EYA4: variants seen among roughly 807,000 people sequenced by gnomAD.
EYA4 encodes EYA transcriptional coactivator and phosphatase 4, also known as protein phosphatase EYA4.
Under a neutral mutation model 87.9 loss-of-function variants are expected in EYA4, and 31 were observed. The ratio of observed to expected loss-of-function variants is 0.35; its 90% CI spans 0.27 to 0.48. The LOEUF is 0.48. EYA4 is among the 20% of genes least tolerant of loss of function. The probability of loss-of-function intolerance (pLI) is 0.99; values close to 1 mark genes in which losing one functional copy is unlikely to be tolerated. For synonymous variants in EYA4, 263 were observed against 270.6 expected (o/e 0.97, Z 0.28); for missense variants, 678 against 761.4 (o/e 0.89, Z 1.29).
At chr6:133,273,725 A>G (rs1316577924) in intron 1 of EYA4, among the ~76,000 whole-genome samples, 1 of 152,194 alleles carries the variant, frequency 6.6e-6, no homozygotes, top group Non-Finnish European at 1.5e-5. Context: ...ATTTTAAATT[A>G]CATTTCATTG....
At chr6:133,400,872 C>T (rs776142293) in intron 3 of EYA4, among the ~76,000 whole-genome samples, 6 of 151,920 alleles carry the variant, frequency 3.9e-5, no homozygotes, top group Non-Finnish European at 8.8e-5. Flanking sequence ...AACTTTTTTG[C>T]ATAACAGTGG....
chr6:133,475,764 A>T (rs1795667976), intron 11 of EYA4, among the ~76,000 whole-genome samples: 1 of 152,150 alleles, frequency 6.6e-6, no homozygotes, highest in Non-Finnish European at 1.5e-5. Flanking sequence ...TTTAAAAAAA[A>T]GTGTCAACAA....
At chr6:133,421,888 A>G (rs1790252442) in intron 3 of EYA4, among the ~76,000 whole-genome samples, 1 of 152,202 alleles carries the variant, frequency 6.6e-6, no homozygotes, top group Admixed American at 6.5e-5. Context: ...TTGTGTTATA[A>G]CTGGAGAGTT....
In EYA4 at chr6:133,530,612, T is replaced by C; in HGVS notation, c.*1807T>C. 1 of 985,746 alleles carries C rather than the reference T, an allele frequency of 1.0e-6. No individual in the cohort carries two copies. The highest frequency in any genetic ancestry group is 1.2e-6 in the Non-Finnish European group (1 of 829,812). 61.1% of individuals were successfully genotyped at this position (985,746 alleles called of 1,614,324 possible). ...ACATTTTGCTCACAGATCACAACAT[T>C]CACTGTGGAAATATGATTTCATTTC... On this transcript the variant is annotated 3_prime_UTR_variant, in exon 20 of 20. Transcript: ENST00000355286.
intron 16 of EYA4, among the ~76,000 whole-genome samples, chr6:133,514,723 T>C (rs1356708271): frequency 6.6e-6 from 1 of 152,240 alleles, no homozygotes; most frequent in South Asian, 2.1e-4. Flanking sequence ...ATCAATATTA[T>C]AATTCATGAT....
rs1800862596 is a variant in EYA4 at position 133,529,213 on chromosome 6, C to T, written c.*408C>T. On this transcript the variant is annotated 3_prime_UTR_variant, in exon 20 of 20. Coordinates refer to ENST00000355286, the MANE Select transcript of EYA4 (RefSeq NM_004100.5). Reference sequence around the variant, plus strand: ...CCTGAGGTTTGAATCTGACTTTAGCCTACCTAACCCAGAAAATCTGAATTG... The same window carrying T: ...CCTGAGGTTTGAATCTGACTTTAGCTTACCTAACCCAGAAAATCTGAATTG... The T allele has an allele frequency of 8.8e-7, 1 of 1,137,568 alleles. No individual in the cohort carries two copies. The highest frequency in any genetic ancestry group is 1.1e-6 in the Non-Finnish European group (1 of 919,250). The allele number at this position is 1,137,568 out of a possible 1,614,324, so 70.5% of individuals were successfully genotyped here. A position where few individuals can be genotyped will look rare whatever the true frequency, so the allele number is the denominator to read the frequency against.
chr6:133,253,569 A>C (rs1466401950), intron 1 of EYA4, among the ~76,000 whole-genome samples: 1 of 151,952 alleles, frequency 6.6e-6, no homozygotes, highest in African/African-American at 2.4e-5. Flanking sequence ...TCTCCCTGGC[A>C]TATTCTCACC....
At chr6:133,392,900 C>A (rs1787426057) in intron 3 of EYA4, among the ~76,000 whole-genome samples, 2 of 152,132 alleles carry the variant, frequency 1.3e-5, no homozygotes, top group South Asian at 4.1e-4. Context: ...GTTAACAGTA[C>A]AAAACTCGTT....
chr6:133,418,673 G>A lies in EYA4; in HGVS notation c.84-27957G>A, dbSNP rs150611839. Among the ~76,000 whole-genome samples, 146 of 152,278 alleles carry A rather than the reference G, an allele frequency of 9.6e-4. 1 individual carries two copies. Among genetic ancestry groups the A allele is most frequent in the African/African-American group, 3.2e-3 (131 of 41,570 alleles). On this transcript the variant is annotated intron_variant, in intron 3 of 19. Coordinates refer to ENST00000355286, the MANE Select transcript of EYA4 (RefSeq NM_004100.5). ...ATCTGAAACATGAAGTTAAGGTTTTGTGCAACATGAGTGCTTTATATTTTA... is the reference window on the plus strand; with the variant it reads ...ATCTGAAACATGAAGTTAAGGTTTTATGCAACATGAGTGCTTTATATTTTA...
chr6:133,361,984 C>T (rs1784480431), intron 2 of EYA4, among the ~76,000 whole-genome samples: 1 of 152,162 alleles, frequency 6.6e-6, no homozygotes, highest in African/African-American at 2.4e-5. Flanking sequence ...GGTTCTGACC[C>T]TCTTTGTAAC....
intron 1 of EYA4, among the ~76,000 whole-genome samples, chr6:133,252,492 C>T (rs1211715008): frequency 1.3e-5 from 2 of 152,006 alleles, no homozygotes; most frequent in African/African-American, 4.8e-5. Flanking sequence ...TGATGTTGAC[C>T]AATACATTTT....
intron 1 of EYA4, among the ~76,000 whole-genome samples, chr6:133,265,457 G>A (rs537551874): frequency 6.6e-6 from 1 of 152,122 alleles, no homozygotes; most frequent in Non-Finnish European, 1.5e-5. Flanking sequence ...TTATTATGAG[G>A]TAATGCTTCT....
At chr6:133,350,264 A>G (rs1355151555) in intron 2 of EYA4, among the ~76,000 whole-genome samples, 1 of 152,152 alleles carries the variant, frequency 6.6e-6, no homozygotes, top group Non-Finnish European at 1.5e-5. Context: ...ACACCTTGAT[A>G]TGAAACTTCC....
At chr6:133,347,725 A>T (rs1783303125) in intron 2 of EYA4, among the ~76,000 whole-genome samples, 1 of 152,190 alleles carries the variant, frequency 6.6e-6, no homozygotes, top group Non-Finnish European at 1.5e-5. Flanking sequence ...AGATGATAAA[A>T]CCAAGGCACA....
chr6:133,287,835 G>A (rs1305890050), intron 2 of EYA4, among the ~76,000 whole-genome samples: 3 of 152,128 alleles, frequency 2.0e-5, no homozygotes, highest in Admixed American at 6.5e-5. Flanking sequence ...CATGAACTCC[G>A]AAAGGCTTAA....
At chr6:133,468,090 A>G (rs1363430485) in intron 10 of EYA4, among the ~76,000 whole-genome samples, 4 of 152,052 alleles carry the variant, frequency 2.6e-5, no homozygotes, top group Non-Finnish European at 5.9e-5. Context: ...CAGAATTATC[A>G]GTGGTAGCCC....
chr6:133,426,896 C>A lies in EYA4; in HGVS notation c.84-19734C>A, dbSNP rs190776652. 1.4e-4 allele frequency among the ~76,000 whole-genome samples: 22 copies of A among 152,320 alleles called. No individual in the cohort carries two copies. The East Asian group carries it at 3.3e-3, about 23-fold the overall frequency. Reference sequence around the variant, plus strand: ...CTATTTATATCACATCTCCTTGGAACTTCTGAACTATAGCAATTTGCTATT... The same window carrying A: ...CTATTTATATCACATCTCCTTGGAAATTCTGAACTATAGCAATTTGCTATT... On this transcript the variant is annotated intron_variant, in intron 3 of 19. Transcript: ENST00000355286.
intron 5 of EYA4, among the ~76,000 whole-genome samples, chr6:133,448,854 T>C (rs1250653644): frequency 6.6e-6 from 1 of 152,146 alleles, no homozygotes; most frequent in African/African-American, 2.4e-5. Flanking sequence ...CCATCACATT[T>C]TTGTGGCACC....
intron 5 of EYA4, among the ~76,000 whole-genome samples, chr6:133,451,146 A>T (rs1378459101): frequency 6.6e-6 from 1 of 152,216 alleles, no homozygotes; most frequent in Non-Finnish European, 1.5e-5. Context: ...AGCCATATAC[A>T]ATACCTACAC....
Sources: gnomAD v4.1 joint callset for allele counts (sites outside exome capture counted in the v4.1 genomes callset) on GRCh38, gnomAD v4.1.1 for gene constraint, MANE v1.5 for transcripts, NCBI Gene and HGNC (gene_info 2026-07-23, HGNC 2026-07-21) for gene names.